CTNNA3: variants seen among roughly 807,000 people sequenced by gnomAD.
CTNNA3 encodes the protein catenin alpha-3.
Under a neutral mutation model 95.7 loss-of-function variants are expected in CTNNA3, and 76 were observed. The ratio of observed to expected loss-of-function variants is 0.79; its 90% CI spans 0.66 to 0.96. The LOEUF (loss-of-function observed/expected upper bound fraction) is 0.96. Ranked by LOEUF, CTNNA3 falls within the 40% of genes least tolerant of loss-of-function variation. The pLI is 0.00. For synonymous variants in CTNNA3, 431 were observed against 374.4 expected, an observed-to-expected ratio of 1.15 and a Z score of -1.74; for missense variants, 1,191 against 1,089.8, an observed-to-expected ratio of 1.09 and a Z score of -1.31.
At chr10:66,775,186 A>G (rs1564674767) in intron 8 of CTNNA3, among the ~76,000 whole-genome samples, 1 of 152,172 alleles carries the variant, frequency 6.6e-6, no homozygotes, top group Admixed American at 6.6e-5. Context: ...TGTGCCGAAG[A>G]TCTCACAACT....
intron 5 of CTNNA3, among the ~76,000 whole-genome samples, chr10:67,222,943 G>A (rs1864726369): frequency 6.6e-6 from 1 of 152,190 alleles, no homozygotes; most frequent in Non-Finnish European, 1.5e-5. Flanking sequence ...ATGGTAAATT[G>A]TAGTAACTTT....
chr10:66,387,683 T>C (rs1351257175), intron 11 of CTNNA3, among the ~76,000 whole-genome samples: 1 of 152,178 alleles, frequency 6.6e-6, no homozygotes, highest in African/African-American at 2.4e-5. Context: ...TAGCAAAGAC[T>C]TGGAACCAAC....
intron 5 of CTNNA3, among the ~76,000 whole-genome samples, chr10:67,367,145 C>G (rs997361447): frequency 6.6e-6 from 1 of 152,108 alleles, no homozygotes; most frequent in Middle Eastern, 3.2e-3. Flanking sequence ...AATAAAAAGA[C>G]AACCTACAGA....
intron 5 of CTNNA3, among the ~76,000 whole-genome samples, chr10:67,497,007 C>T (rs1201343046): frequency 6.6e-6 from 1 of 152,012 alleles, no homozygotes; most frequent in African/African-American, 2.4e-5. Flanking sequence ...TAGGTATACA[C>T]GTGCCATGGT....
At chr10:67,176,837 C>T in intron 7 of CTNNA3, 1 of 438,032 alleles carries the variant, frequency 2.3e-6, no homozygotes, top group Non-Finnish European at 4.6e-6. Context: ...AGGCAGAGGG[C>T]CATGAGCCAA....
intron 7 of CTNNA3, among the ~76,000 whole-genome samples, chr10:66,897,308 G>A (rs1845538195): frequency 6.6e-6 from 1 of 151,998 alleles, no homozygotes; most frequent in Non-Finnish European, 1.5e-5. Context: ...ATTAATAAAA[G>A]TGGGGATATC....
intron 7 of CTNNA3, among the ~76,000 whole-genome samples, chr10:67,019,826 C>G (rs543398156): frequency 2.6e-5 from 4 of 152,242 alleles, no homozygotes; most frequent in African/African-American, 9.6e-5. Flanking sequence ...AAATTCTAAG[C>G]GTCCGTTTAT....
At chr10:66,369,349 C>T (rs2092735863) in intron 12 of CTNNA3, among the ~76,000 whole-genome samples, 1 of 152,120 alleles carries the variant, frequency 6.6e-6, no homozygotes, top group African/African-American at 2.4e-5. Context: ...CTACTTCTAT[C>T]CTCCCTGAGC....
chr10:66,417,377 A>G (rs1306747343), intron 11 of CTNNA3, among the ~76,000 whole-genome samples: 1 of 152,070 alleles, frequency 6.6e-6, no homozygotes, highest in Non-Finnish European at 1.5e-5. Context: ...ACCCGGATTC[A>G]TAAAGGAAAG....
intron 7 of CTNNA3, among the ~76,000 whole-genome samples, chr10:66,830,102 C>A (rs2132316679): frequency 6.6e-6 from 1 of 152,270 alleles, no homozygotes; most frequent in Middle Eastern, 3.4e-3. Flanking sequence ...TCATGTCTCA[C>A]CACTAAAGAT....
intron 7 of CTNNA3, among the ~76,000 whole-genome samples, chr10:66,992,759 A>T (rs1026527786): frequency 3.3e-5 from 5 of 152,072 alleles, no homozygotes; most frequent in African/African-American, 1.2e-4. Flanking sequence ...ATCTAATTTT[A>T]ATTTTTCCTT....
intron 7 of CTNNA3, among the ~76,000 whole-genome samples, chr10:67,155,529 A>G (rs758280081): frequency 2.0e-4 from 5 of 24,746 alleles, no homozygotes. Flanking sequence ...GTATTAATAT[A>G]TGTGTGTGTG....
intron 9 of CTNNA3, among the ~76,000 whole-genome samples, chr10:66,671,233 A>G (rs986005407): frequency 6.6e-6 from 1 of 152,170 alleles, no homozygotes; most frequent in African/African-American, 2.4e-5. Flanking sequence ...AAGAGCATTA[A>G]TTGCATTTTT....
At chr10:67,626,700 T>C (rs1589505002) in intron 2 of CTNNA3, among the ~76,000 whole-genome samples, 2 of 152,294 alleles carry the variant, frequency 1.3e-5, no homozygotes, top group East Asian at 3.9e-4. Flanking sequence ...CTGAAATCTC[T>C]ACTCTTTTTT....
At chr10:66,902,853 C>T (rs1845814139) in intron 7 of CTNNA3, among the ~76,000 whole-genome samples, 2 of 151,982 alleles carry the variant, frequency 1.3e-5, no homozygotes, top group Admixed American at 1.3e-4. Flanking sequence ...CTGAATAGAC[C>T]AATAAGAGGT....
At chr10:66,115,034 GA>G (rs201372863) in intron 13 of CTNNA3, among the ~76,000 whole-genome samples, 8 of 151,486 alleles carry the variant, frequency 5.3e-5, no homozygotes, top group East Asian at 1.9e-4. Flanking sequence ...TTATCATAAG[GA>G]AAAAAAACAA....
At chr10:67,032,586 C>A (rs991556988) in intron 7 of CTNNA3, among the ~76,000 whole-genome samples, 3 of 152,138 alleles carry the variant, frequency 2.0e-5, no homozygotes, top group Admixed American at 6.5e-5. Flanking sequence ...AGGTATTAAG[C>A]ATCAGACAGA....
chr10:66,767,637 A>AT (rs763511106), intron 8 of CTNNA3, among the ~76,000 whole-genome samples: 16 of 152,042 alleles, frequency 1.1e-4, no homozygotes, highest in South Asian at 4.2e-4. Flanking sequence ...ATTTTAGAGT[A>AT]TTTTTTTAAA....
At chr10:66,633,786 T>A (rs140657980) in intron 9 of CTNNA3, among the ~76,000 whole-genome samples, 3,263 of 152,256 alleles carry the variant, frequency 0.021, 73 homozygotes, top group Middle Eastern at 0.034. Flanking sequence ...GAAGGTAGGA[T>A]TACTATTGCT....
Sources: gnomAD v4.1 joint callset for allele counts (sites outside exome capture counted in the v4.1 genomes callset) on GRCh38, gnomAD v4.1.1 for gene constraint, MANE v1.5 for transcripts, NCBI Gene and HGNC (gene_info 2026-07-23, HGNC 2026-07-21) for gene names.